The following SOX6 variants were observed in gnomAD, a reference collection of about 807,000 sequenced individuals.
SOX6 encodes the protein SRY-box transcription factor 6, also known as transcription factor SOX-6.
Under a neutral mutation model 97.8 loss-of-function variants are expected in SOX6, and 11 were observed. The ratio of observed to expected loss-of-function variants is 0.11; its 90% confidence interval spans 0.07 to 0.19. The LOEUF (loss-of-function observed/expected upper bound fraction) is 0.19, where lower values mean the gene tolerates loss of function less well. Among genes scored for constraint, SOX6 ranks in the 10% least tolerant of loss-of-function variants. The pLI, the probability that SOX6 is intolerant of heterozygous loss-of-function variation, is 1.00. For missense variants in SOX6, 810 were observed against 1,039.5 expected, an observed-to-expected ratio of 0.78 and a Z score of 3.04; for synonymous variants, 360 against 371.4, an observed-to-expected ratio of 0.97 and a Z score of 0.35.
chr11:16,413,820 G>A (rs182763886), intron 1 of SOX6, among the ~76,000 whole-genome samples: 1 of 151,898 alleles, frequency 6.6e-6, no homozygotes, highest in East Asian at 1.9e-4. Context: ...GCGCCCGGCC[G>A]AGTTCTACAC....
chr11:16,367,931 T>G (rs911795608), intron 1 of SOX6, among the ~76,000 whole-genome samples: 3 of 151,812 alleles, frequency 2.0e-5, no homozygotes, highest in Admixed American at 6.6e-5. Context: ...AACTGAAACT[T>G]TATATAAAAC....
chr11:16,484,131 C>A (rs1424766663), intron 4 of SOX6: 2 of 773,726 alleles, frequency 2.6e-6, no homozygotes, highest in Non-Finnish European at 4.8e-6. Flanking sequence ...TGGTTAACTG[C>A]AGGCTTATCC....
At chr11:16,377,709 A>C (rs1255995429) in intron 1 of SOX6, among the ~76,000 whole-genome samples, 1 of 152,182 alleles carries the variant, frequency 6.6e-6, no homozygotes, top group Non-Finnish European at 1.5e-5. Flanking sequence ...GATTGTGTTA[A>C]TATCTATAGC....
intron 12 of SOX6, among the ~76,000 whole-genome samples, chr11:16,028,460 T>C (rs1245604736): frequency 6.6e-6 from 1 of 152,242 alleles, no homozygotes; most frequent in Non-Finnish European, 1.5e-5. Flanking sequence ...AGTTCCATGT[T>C]TTATTCCATT....
intron 15 of SOX6, among the ~76,000 whole-genome samples, chr11:15,980,534 A>G (rs1853624752): frequency 6.6e-6 from 1 of 152,134 alleles, no homozygotes; most frequent in Admixed American, 6.6e-5. Context: ...TTACAGTTGA[A>G]GAAACCTGGC....
At chr11:16,186,664 C>CTTATTT (rs1851486115) in intron 5 of SOX6, 119 bp downstream of exon 5, 15 of 1,196,146 alleles carry the variant, frequency 1.3e-5, no homozygotes, top group Non-Finnish European at 8.3e-6. Context: ...TCCATCTTTT[C>CTTATTT]TTATTTTTAT....
chr11:16,296,312 TCACAA>T (rs1855087331), intron 3 of SOX6, among the ~76,000 whole-genome samples: 1 of 152,102 alleles, frequency 6.6e-6, no homozygotes, highest in Non-Finnish European at 1.5e-5. Flanking sequence ...AAAGTCACTC[TCACAA>T]CACCCCAGTT....
chr11:16,458,388 C>A (rs1261514644), intron 1 of SOX6, among the ~76,000 whole-genome samples: 1 of 145,024 alleles, frequency 6.9e-6, no homozygotes, highest in African/African-American at 2.6e-5. Flanking sequence ...ATAGTATATT[C>A]ACCTACTTTG....
intron 3 of SOX6, among the ~76,000 whole-genome samples, chr11:16,242,061 T>C (rs1421999543): frequency 6.6e-6 from 1 of 151,970 alleles, no homozygotes; most frequent in African/African-American, 2.4e-5. Flanking sequence ...CATACACGAA[T>C]GTGCTATATT....
chr11:16,687,833 CT>C (rs1847980926), intron 3 of SOX6, among the ~76,000 whole-genome samples: 1 of 152,178 alleles, frequency 6.6e-6, no homozygotes, highest in Admixed American at 6.5e-5. Flanking sequence ...CACCCAGCCC[CT>C]ATAGTGCTTT....
At chr11:16,612,275 A>AT (rs1848407497) in intron 3 of SOX6, 1 of 150,078 alleles carries the variant, frequency 6.7e-6, no homozygotes, top group Admixed American at 6.7e-5. Context: ...AAAAAAAAAA[A>AT]TCTACACGTC....
At chr11:16,063,810 A>G (rs972979018) in intron 9 of SOX6, among the ~76,000 whole-genome samples, 8 of 151,204 alleles carry the variant, frequency 5.3e-5, no homozygotes, top group Non-Finnish European at 1.2e-4. Context: ...TATATAAGAT[A>G]GAAATTATTA....
At chr11:16,455,707 T>C (rs1025852891) in intron 1 of SOX6, among the ~76,000 whole-genome samples, 5 of 152,108 alleles carry the variant, frequency 3.3e-5, no homozygotes, top group African/African-American at 1.2e-4. Flanking sequence ...AATAATTTAA[T>C]AGGAATTGTG....
At chr11:16,586,721 A>G (rs138778587) in intron 4 of SOX6, among the ~76,000 whole-genome samples, 4 of 151,188 alleles carry the variant, frequency 2.6e-5, no homozygotes, top group African/African-American at 9.7e-5. Context: ...GACTGTCTGT[A>G]AAAAAAAAGA....
intron 3 of SOX6, among the ~76,000 whole-genome samples, chr11:16,638,676 T>C (rs1312213418): frequency 6.6e-6 from 1 of 152,262 alleles, no homozygotes; most frequent in East Asian, 1.9e-4. Flanking sequence ...CCAGTGATGA[T>C]GAGCATTTTT....
chr11:16,714,262 T>C (rs552013702), intron 3 of SOX6, among the ~76,000 whole-genome samples: 8 of 151,732 alleles, frequency 5.3e-5, no homozygotes, highest in Non-Finnish European at 5.9e-5. Flanking sequence ...AAAAAAAAAA[T>C]CTGCTTCCAT....
At chr11:16,158,342 G>T (rs911927800) in intron 6 of SOX6, among the ~76,000 whole-genome samples, 3 of 151,726 alleles carry the variant, frequency 2.0e-5, no homozygotes, top group African/African-American at 7.3e-5. Context: ...GCTTTCGTAG[G>T]GTATGACTCC....
chr11:16,310,582 A>G (rs1485594090), intron 3 of SOX6, among the ~76,000 whole-genome samples: 4 of 152,132 alleles, frequency 2.6e-5, no homozygotes, highest in Admixed American at 1.3e-4. Flanking sequence ...ATTTAAATGA[A>G]GTTGTATCAG....
chr11:16,355,134 C>T (rs1590152740), intron 1 of SOX6, among the ~76,000 whole-genome samples: 2 of 152,036 alleles, frequency 1.3e-5, no homozygotes, highest in African/African-American at 4.8e-5. Flanking sequence ...AGAACAATGA[C>T]ACACTATTCC....
Sources: allele counts gnomAD v4.1 joint callset (sites outside exome capture counted in the v4.1 genomes callset), GRCh38; gene constraint gnomAD v4.1.1; transcripts MANE v1.5; gene names NCBI Gene and HGNC (gene_info 2026-07-23, HGNC 2026-07-21).